Variants in ADK observed in about 807,000 individuals in gnomAD.
ADK encodes adenosine kinase.
A neutral mutation model predicts 44.7 loss-of-function variants in ADK; 24 were observed. The observed-to-expected ratio is 0.54, with a 90% CI of 0.39 to 0.76. ADK has a LOEUF of 0.76. ADK is among the 30% of genes least tolerant of loss of function. The pLI is 0.00. For synonymous variants in ADK, 128 were observed against 142.6 expected (o/e 0.90, Z 0.73); for missense variants, 321 against 425.1 (o/e 0.76, Z 2.15).
intron 2 of ADK, among the ~76,000 whole-genome samples, chr10:74,220,584 C>T (rs998429335): frequency 2.0e-5 from 3 of 152,290 alleles, no homozygotes; most frequent in African/African-American, 7.2e-5. Flanking sequence ...GAATTTTAGA[C>T]CAATACCCTT....
At chr10:74,215,559 A>G (rs1172804782) in intron 2 of ADK, among the ~76,000 whole-genome samples, 1 of 152,062 alleles carries the variant, frequency 6.6e-6, no homozygotes, top group Non-Finnish European at 1.5e-5. Flanking sequence ...TCCTGACCTC[A>G]AGTGATCTGC....
At chr10:74,254,528 G>T (rs1043106740) in intron 3 of ADK, among the ~76,000 whole-genome samples, 4 of 150,348 alleles carry the variant, frequency 2.7e-5, no homozygotes, top group African/African-American at 9.8e-5. Context: ...ATGTCAGATT[G>T]CTTTTGATTA....
At chr10:74,206,790 A>G (rs1395999522) in intron 2 of ADK, among the ~76,000 whole-genome samples, 1 of 152,140 alleles carries the variant, frequency 6.6e-6, no homozygotes, top group African/African-American at 2.4e-5. Context: ...TTAAAATTTC[A>G]GGCAAATGTG....
At chr10:74,529,516 G>T (rs1849198456) in intron 7 of ADK, among the ~76,000 whole-genome samples, 1 of 152,120 alleles carries the variant, frequency 6.6e-6, no homozygotes, top group Non-Finnish European at 1.5e-5. Flanking sequence ...TTTATCATAT[G>T]TATAGTTTAC....
At chr10:74,285,872 T>C (rs1258680438) in intron 3 of ADK, among the ~76,000 whole-genome samples, 1 of 152,200 alleles carries the variant, frequency 6.6e-6, no homozygotes, top group African/African-American at 2.4e-5. Context: ...TGGGACTATG[T>C]ATTAATCCTT....
intron 4 of ADK, among the ~76,000 whole-genome samples, chr10:74,384,472 C>T (rs779021864): frequency 2.2e-4 from 33 of 152,208 alleles, no homozygotes; most frequent in Middle Eastern, 3.4e-3. Context: ...GAGTTCAAGA[C>T]CAGCCTGGCC....
At chr10:74,495,807 TCTCC>T (rs1423616813) in intron 6 of ADK, among the ~76,000 whole-genome samples, 1 of 152,178 alleles carries the variant, frequency 6.6e-6, no homozygotes, top group Non-Finnish European at 1.5e-5. Context: ...CTGTTAATTA[TCTCC>T]CTATTTTCAG....
At chr10:74,530,654 A>C (rs1038064286) in intron 7 of ADK, 2 of 152,270 alleles carry the variant, frequency 1.3e-5, no homozygotes, top group African/African-American at 2.4e-5. Context: ...GGCCAAGCAC[A>C]GTGGCTCACG....
intron 8 of ADK, among the ~76,000 whole-genome samples, chr10:74,595,393 G>T (rs372563018): frequency 0.95 from 99,748 of 104,528 alleles, 47,507 homozygotes; most frequent in East Asian, 0.99. Flanking sequence ...TTTTTTTTTT[G>T]GGGAGGGGGT....
rs150763018 is a variant in ADK at position 74,297,688 on chromosome 10, T to C, written c.195-16979T>C. Among the ~76,000 whole-genome samples the C allele has an allele frequency of 2.5e-3, 377 of 152,352 alleles. 2 individuals carry two copies. The highest frequency in any genetic ancestry group is 8.6e-3 in the African/African-American group (358 of 41,584). ...CTAGAAGTTAAGAAAGGTTTTTATATGTTTTAATGTTTGGGAGAAGAAAGC... is the reference window on the plus strand; with the variant it reads ...CTAGAAGTTAAGAAAGGTTTTTATACGTTTTAATGTTTGGGAGAAGAAAGC... On this transcript the variant is annotated intron_variant, in intron 3 of 10. Coordinates refer to ENST00000539909, the MANE Select transcript of ADK (RefSeq NM_006721.4).
intron 3 of ADK, among the ~76,000 whole-genome samples, chr10:74,291,056 C>T (rs1202262452): frequency 6.6e-6 from 1 of 152,014 alleles, no homozygotes; most frequent in African/African-American, 2.4e-5. Flanking sequence ...TATTTTATTG[C>T]CCATATGTAA....
intron 3 of ADK, among the ~76,000 whole-genome samples, chr10:74,313,577 T>G (rs2131801367): frequency 6.6e-6 from 1 of 152,120 alleles, no homozygotes; most frequent in South Asian, 2.1e-4. Flanking sequence ...TTTTTCACAT[T>G]ATATGCTTTA....
intron 4 of ADK, among the ~76,000 whole-genome samples, chr10:74,362,120 A>G (rs561345992): frequency 6.6e-6 from 1 of 152,058 alleles, no homozygotes; most frequent in Non-Finnish European, 1.5e-5. Flanking sequence ...TCAGGTATGG[A>G]AAGTTTTCTG....
chr10:74,232,552 C>A (rs1446560768), intron 3 of ADK, among the ~76,000 whole-genome samples: 2 of 134,702 alleles, frequency 1.5e-5, no homozygotes, highest in Admixed American at 7.4e-5. Flanking sequence ...CCCCGCACCC[C>A]CCCCCCCCAA....
intron 6 of ADK, among the ~76,000 whole-genome samples, chr10:74,442,239 A>T (rs1845439323): frequency 6.6e-6 from 1 of 152,156 alleles, no homozygotes; most frequent in Non-Finnish European, 1.5e-5. Context: ...GAAAAAAGGG[A>T]TCCCTTGTTA....
chr10:74,490,560 A>G (rs541364766), intron 6 of ADK, among the ~76,000 whole-genome samples: 16 of 152,158 alleles, frequency 1.1e-4, no homozygotes, highest in Admixed American at 2.0e-4. Flanking sequence ...AGGAGCCTAT[A>G]TTAAGCTTTA....
chr10:74,281,803 T>C (rs1394013047), intron 3 of ADK, among the ~76,000 whole-genome samples: 1 of 152,240 alleles, frequency 6.6e-6, no homozygotes, highest in Non-Finnish European at 1.5e-5. Context: ...ATGAGCTGCA[T>C]TGGAAATTTA....
chr10:74,465,029 G>A (rs1846303909), intron 6 of ADK, among the ~76,000 whole-genome samples: 3 of 151,804 alleles, frequency 2.0e-5, no homozygotes, highest in Admixed American at 2.0e-4. Flanking sequence ...CCTTTCAGTG[G>A]GTAATGCTTT....
chr10:74,447,644 CT>C (rs1845631256), intron 6 of ADK, among the ~76,000 whole-genome samples: 2 of 152,082 alleles, frequency 1.3e-5, no homozygotes, highest in Admixed American at 1.3e-4. Context: ...ATTCTGAAGG[CT>C]TCGCTAATAA....
Sources: gnomAD v4.1 joint callset for allele counts (sites outside exome capture counted in the v4.1 genomes callset) on GRCh38, gnomAD v4.1.1 for gene constraint, MANE v1.5 for transcripts, NCBI Gene and HGNC (gene_info 2026-07-23, HGNC 2026-07-21) for gene names.